Variants in TMEM223 observed in about 807,000 individuals in gnomAD.
TMEM223 encodes transmembrane protein 223.
Under a neutral mutation model 14.1 loss-of-function variants are expected in TMEM223, and 14 were observed. That is an observed-to-expected ratio of 0.99 (90% CI 0.66 to 1.55). The LOEUF (loss-of-function observed/expected upper bound fraction) is 1.55, where lower values mean the gene tolerates loss of function less well. Among genes scored for constraint, TMEM223 ranks in the 40% most tolerant of loss-of-function variants. The pLI is 0.00. For missense variants in TMEM223, 346 were observed against 269.9 expected, an observed-to-expected ratio of 1.28 and a Z score of -1.97; for synonymous variants, 145 against 120.5, an observed-to-expected ratio of 1.20 and a Z score of -1.33.
chr11:62,773,041 C>T (rs1450625427), intron 2 of TMEM223, among the ~76,000 whole-genome samples: 5 of 151,800 alleles, frequency 3.3e-5, no homozygotes. Flanking sequence ...CAGGGTTTCA[C>T]CGTGTTAGCC....
At chr11:62,783,535 C>A (rs964991462), downstream of TMEM223, among the ~76,000 whole-genome samples, 12 of 133,914 alleles carry the variant, frequency 9.0e-5, no homozygotes, top group African/African-American at 3.3e-4. Context: ...GAGGGAGGAT[C>A]TTTTTTTTTT....
intron 1 of TMEM223, chr11:62,775,714 C>T: frequency 1.3e-6 from 2 of 1,543,874 alleles, no homozygotes; most frequent in Non-Finnish European, 1.7e-6. Flanking sequence ...TTGGATCACA[C>T]TCCTGGGCTC....
chr11:62,787,302 T>TG (rs1565191992), downstream of TMEM223: 1 of 1,534,254 alleles, frequency 6.5e-7, no homozygotes, highest in South Asian at 1.2e-5. Flanking sequence ...TCTGAGTCAG[T>TG]GGCCCCTTCG....
chr11:62,786,931 C>CAG, downstream of TMEM223: 1 of 1,478,218 alleles, frequency 6.8e-7, no homozygotes, highest in Non-Finnish European at 8.9e-7. Flanking sequence ...CGACGAGAGC[C>CAG]CCCGGGGCAG....
Position 62,790,824 on chromosome 11 carries a change from G to C in TMEM223, c.408C>G (p.Thr136=). ...CCCCCAAGCCAAAGGGGGCATGAGT[G>C]GTGAGGGTCACCTGCTGCCCTCCAG... ...LRAGGQQVTL[T]THAPFGLGAH... The change falls in exon 2 of 2, where the codon ACC becomes ACG. Residue 136 remains threonine (T), a synonymous_variant. Transcript: ENST00000307366. The C allele has an allele frequency of 6.2e-7, 1 of 1,605,460 alleles. No individual in the cohort carries two copies. Among genetic ancestry groups the C allele is most frequent in the Non-Finnish European group, 8.5e-7 (1 of 1,175,906 alleles).
chr11:62,791,368 C>T (rs1380433491), intron 1 of TMEM223, among the ~76,000 whole-genome samples: 1 of 152,172 alleles, frequency 6.6e-6, no homozygotes, highest in East Asian at 1.9e-4. Flanking sequence ...ATTGATTCTC[C>T]TGCCTCAGCC....
At chr11:62,781,907 A>G (rs1211535689) in intron 1 of TMEM223, 1 of 1,614,132 alleles carries the variant, frequency 6.2e-7, no homozygotes, top group Non-Finnish European at 8.5e-7. Flanking sequence ...GCACTCCAGG[A>G]CTTGCAGACG....
chr11:62,782,491 T>A, intron 1 of TMEM223: 1 of 1,040,766 alleles, frequency 9.6e-7, no homozygotes, highest in Admixed American at 2.7e-5. Flanking sequence ...CACACTGGGA[T>A]TCTGAAAATG....
downstream of TMEM223, among the ~76,000 whole-genome samples, chr11:62,784,883 CAT>C (rs2084258775): frequency 4.6e-5 from 7 of 152,178 alleles, no homozygotes; most frequent in Admixed American, 4.6e-4. Context: ...TGAAATTAAA[CAT>C]GTTTCCTCTC....
At chr11:62,782,541 G>C (rs1463717401), downstream of TMEM223, 7 of 1,207,046 alleles carry the variant, frequency 5.8e-6, no homozygotes, top group African/African-American at 1.5e-5. Context: ...TCAGCCCTCA[G>C]GTCCTAGGCC....
At chr11:62,771,234 G>C (rs2084144126), downstream of TMEM223, 1 of 152,254 alleles carries the variant, frequency 6.6e-6, no homozygotes, top group Non-Finnish European at 1.5e-5. Context: ...AGCAAGAGAG[G>C]TTGCTTTAAG....
At chr11:62,786,634 C>G (rs201212023), downstream of TMEM223, 4 of 1,602,366 alleles carry the variant, frequency 2.5e-6, no homozygotes, top group African/African-American at 4.0e-5. Flanking sequence ...CCTTCTCTTT[C>G]AAGAGTCGTC....
chr11:62,787,717 A>G (rs2084304380), downstream of TMEM223: 2 of 765,208 alleles, frequency 2.6e-6, no homozygotes, highest in South Asian at 3.5e-5. Context: ...TGGCCAGGTC[A>G]TACTTCGAAG....
rs917984926 is a variant in TMEM223, at chr11:62,777,980, T to C, written c.315-3315A>G. The stretch of plus-strand genomic sequence containing the variant: ...TCTCCAATTCCCTTTTTCCTCAGGC[T>C]GTGTGTGGTTACGGATCACAGGAGG... On this transcript the variant is annotated intron_variant, in intron 1 of 2. Coordinates refer to the TMEM223 transcript ENST00000528367. 3.1e-6 allele frequency: 5 copies of C among 1,613,990 alleles called. No homozygotes were observed. The African/African-American group carries it at 4.0e-5, about 13-fold the overall frequency.
chr11:62,778,606 T>C lies in TMEM223; in HGVS notation c.315-3941A>G, dbSNP rs2084204364. 4.9e-6 allele frequency: 3 copies of C among 614,134 alleles called. No homozygotes were observed. In the South Asian group the frequency reaches 5.9e-5, roughly 12 times the overall value. 38.0% of individuals were successfully genotyped at this position (614,134 alleles called of 1,614,324 possible). ...GCGGTGTTTCACCCCCAGGGTATGC[T>C]GAGCAGAGCTTCACAGAGCCTGAAG... On this transcript the variant is annotated intron_variant, in intron 1 of 2. Transcript: ENST00000528367.
chr11:62,786,245 T>C, downstream of TMEM223: 2 of 1,606,620 alleles, frequency 1.2e-6, no homozygotes, highest in Non-Finnish European at 1.7e-6. Flanking sequence ...ACTGTATTCC[T>C]TCTCTTCCTT....
downstream of TMEM223, chr11:62,787,922 C>G (rs1565192694): frequency 2.0e-6 from 1 of 505,186 alleles, no homozygotes; most frequent in South Asian, 1.5e-5. Context: ...TGGAGATGAT[C>G]AAGCTGCCAC....
At chr11:62,778,261 C>T in intron 1 of TMEM223, 5 of 1,614,124 alleles carry the variant, frequency 3.1e-6, no homozygotes, top group Middle Eastern at 1.7e-4. Context: ...GCCAGGCTGA[C>T]ACATCTCTCT....
rs553445085 is a variant in TMEM223, at chr11:62,778,191, G to C, written c.315-3526C>G. ...TTGGGCCGTGAAGAGAAGTGGTGAT[G>C]GGCTGGCTGGTGGAAGAGGCAGAAC... On this transcript the variant is annotated intron_variant, in intron 1 of 2. Transcript: ENST00000528367. 37 of 1,613,726 alleles carry C rather than the reference G, an allele frequency of 2.3e-5. No homozygotes were observed. In the East Asian group the frequency reaches 6.9e-4, roughly 30 times the overall value.
Sources: allele counts gnomAD v4.1 joint callset (sites outside exome capture counted in the v4.1 genomes callset), GRCh38; gene constraint gnomAD v4.1.1; transcripts MANE v1.5; gene names NCBI Gene and HGNC (gene_info 2026-07-23, HGNC 2026-07-21).